Variants in LRBA observed in about 807,000 individuals in gnomAD.
LRBA encodes lipopolysaccharide-responsive and beige-like anchor protein.
In LRBA, 176 loss-of-function variants were observed where a neutral mutation model predicts 330.0. That is an observed-to-expected ratio of 0.53 (90% CI 0.47 to 0.60). The LOEUF (loss-of-function observed/expected upper bound fraction) is 0.60, where lower values mean the gene tolerates loss of function less well. LRBA is among the 20% of genes least tolerant of loss of function. The pLI is 0.00. For synonymous variants in LRBA, 1,230 were observed against 1,193.0 expected, an observed-to-expected ratio of 1.03 and a Z score of -0.64; for missense variants, 3,259 against 3,444.8, an observed-to-expected ratio of 0.95 and a Z score of 1.35.
At chr4:150,463,947 GT>G (rs1755107182) in intron 44 of LRBA, among the ~76,000 whole-genome samples, 1 of 150,960 alleles carries the variant, frequency 6.6e-6, no homozygotes, top group South Asian at 2.1e-4. Context: ...TTAGGATGAG[GT>G]AAAAGGGTTA....
intron 36 of LRBA, among the ~76,000 whole-genome samples, chr4:150,694,745 G>T (rs758942638): frequency 5.3e-5 from 8 of 151,218 alleles, no homozygotes; most frequent in Non-Finnish European, 8.8e-5. Flanking sequence ...ACTTATCAAA[G>T]TATCTCTTCC....
intron 34 of LRBA, among the ~76,000 whole-genome samples, chr4:150,794,575 A>G (rs550869587): frequency 2.0e-4 from 30 of 152,078 alleles, no homozygotes; most frequent in African/African-American, 7.0e-4. Flanking sequence ...TTTAAAATTA[A>G]TAATTCAGAG....
chr4:150,881,903 A>G (rs1488761225), intron 17 of LRBA, among the ~76,000 whole-genome samples: 1 of 152,092 alleles, frequency 6.6e-6, no homozygotes, highest in African/African-American at 2.4e-5. Flanking sequence ...CCAGACCAAC[A>G]TGGCAAAACC....
chr4:150,951,764 TG>T (rs1221171149), intron 2 of LRBA, among the ~76,000 whole-genome samples: 39 of 152,228 alleles, frequency 2.6e-4, no homozygotes, highest in Admixed American at 6.5e-4. Flanking sequence ...CATTAATGTA[TG>T]TTACAGAAAC....
At chr4:150,739,733 G>A (rs1731692407) in intron 35 of LRBA, among the ~76,000 whole-genome samples, 1 of 152,190 alleles carries the variant, frequency 6.6e-6, no homozygotes. Context: ...GCTGCCCTGT[G>A]TAAAGGCCTC....
intron 47 of LRBA, among the ~76,000 whole-genome samples, chr4:150,363,392 CTT>C (rs1450874422): frequency 1.3e-5 from 2 of 152,094 alleles, no homozygotes; most frequent in African/African-American, 4.8e-5. Flanking sequence ...CTCTTTCTCT[CTT>C]TGTGTCTCTC....
chr4:150,798,839 C>A (rs958707605), intron 33 of LRBA, among the ~76,000 whole-genome samples: 3 of 151,920 alleles, frequency 2.0e-5, no homozygotes, highest in Non-Finnish European at 4.4e-5. Flanking sequence ...CAAAGCAATG[C>A]CAATAATTAA....
chr4:150,350,276 A>G lies in LRBA; in HGVS notation c.7195-117T>C. ...CTTTACTGTGAACAAAGATTTTTAA[A>G]AAACAAAACTTGTGGCCGGGCGCAG... On this transcript the variant is annotated intron_variant, in intron 47 of 56. Transcript: ENST00000651943. The G allele has an allele frequency of 3.5e-6, 3 of 850,258 alleles. No homozygotes were observed. In the South Asian group the frequency reaches 6.5e-5, roughly 19 times the overall value. The allele number at this position is 850,258 out of a possible 1,614,324, so 52.7% of individuals were successfully genotyped here.
intron 37 of LRBA, among the ~76,000 whole-genome samples, chr4:150,602,894 T>A (rs1275398082): frequency 2.6e-5 from 4 of 152,150 alleles, no homozygotes; most frequent in Non-Finnish European, 5.9e-5. Flanking sequence ...TGACCAAATA[T>A]AAGCATGGAT....
At chr4:150,335,195 G>T (rs182626984) in intron 48 of LRBA, among the ~76,000 whole-genome samples, 607 of 151,774 alleles carry the variant, frequency 4.0e-3, no homozygotes, top group Non-Finnish European at 4.9e-3. Flanking sequence ...TATAAAGAAA[G>T]TTATTATAGC....
chr4:150,671,585 A>G (rs1253067917), intron 37 of LRBA, among the ~76,000 whole-genome samples: 2 of 152,210 alleles, frequency 1.3e-5, no homozygotes, highest in Admixed American at 1.3e-4. Context: ...GTCACTAAGT[A>G]CCCATAAAAG....
At chr4:150,821,083 T>C (rs1745365426) in intron 30 of LRBA, among the ~76,000 whole-genome samples, 1 of 152,134 alleles carries the variant, frequency 6.6e-6, no homozygotes, top group African/African-American at 2.4e-5. Context: ...AGCTTAAGTT[T>C]CTATTTAAGA....
At chr4:150,343,988 C>T (rs541563253) in intron 48 of LRBA, among the ~76,000 whole-genome samples, 7 of 152,254 alleles carry the variant, frequency 4.6e-5, no homozygotes, top group African/African-American at 1.4e-4. Flanking sequence ...CCCTATTGTT[C>T]CCTCCTGTTC....
chr4:150,852,821 C>G lies in LRBA; in HGVS notation c.2889G>C (p.Arg963Ser), dbSNP rs146149260. 1 of 1,613,790 alleles carries G rather than the reference C, an allele frequency of 6.2e-7. No homozygotes were observed. The highest frequency in any genetic ancestry group is 8.5e-7 in the Non-Finnish European group (1 of 1,179,922). Residue 963 changes from arginine (R) to serine (S), a missense_variant, in exon 23 of 57, where the codon AGG becomes AGC. Coordinates refer to ENST00000651943, the MANE Select transcript of LRBA (RefSeq NM_001364905.1). Reference protein sequence around the residue: ...TSVQAASGIRRDINVSVGSQQ... With the variant: ...TSVQAASGIRSDINVSVGSQQ... ...GGGATCCTACTGAAACATTAATATC[C>G]CTTCTAATGCCAGAGGCTGCTTGAA...
At chr4:150,507,455 C>A (rs975681111) in intron 40 of LRBA, among the ~76,000 whole-genome samples, 7 of 151,732 alleles carry the variant, frequency 4.6e-5, no homozygotes, top group Non-Finnish European at 8.8e-5. Flanking sequence ...TTTGACAAAC[C>A]TGAGAAAAAC....
intron 40 of LRBA, among the ~76,000 whole-genome samples, chr4:150,562,254 C>T (rs1768454492): frequency 6.6e-6 from 1 of 152,162 alleles, no homozygotes; most frequent in African/African-American, 2.4e-5. Context: ...TCCATTGTTG[C>T]TGAGTATTCA....
intron 38 of LRBA, among the ~76,000 whole-genome samples, chr4:150,592,144 G>GTTTTTTTTTTTTTTTTTTTTTT (rs10685627): frequency 3.1e-5 from 2 of 65,190 alleles, no homozygotes; most frequent in East Asian, 1.3e-3. Context: ...GATGGCTAGG[G>GTTTTTTTTTTTTTTTTTTTTTT]TTTTTTTTTT....
intron 35 of LRBA, among the ~76,000 whole-genome samples, chr4:150,743,545 A>G (rs571507396): frequency 1.3e-4 from 20 of 152,332 alleles, no homozygotes; most frequent in Admixed American, 2.6e-4. Context: ...TTAATTGCCA[A>G]TAATCTAGAA....
intron 47 of LRBA, among the ~76,000 whole-genome samples, chr4:150,403,294 G>A (rs1745746072): frequency 6.6e-6 from 1 of 152,182 alleles, no homozygotes; most frequent in Non-Finnish European, 1.5e-5. Flanking sequence ...GGTGAACTTG[G>A]TGAGCAAGCA....
Sources: gnomAD v4.1 joint callset for allele counts (sites outside exome capture counted in the v4.1 genomes callset) on GRCh38, gnomAD v4.1.1 for gene constraint, MANE v1.5 for transcripts, NCBI Gene and HGNC (gene_info 2026-07-23, HGNC 2026-07-21) for gene names.